Variants in RBM41 observed in about 807,000 individuals in gnomAD.
RBM41 encodes RNA binding motif protein 41.
A neutral mutation model predicts 30.8 loss-of-function variants in RBM41; 14 were observed. The ratio of observed to expected loss-of-function variants is 0.45; its 90% CI spans 0.30 to 0.71. The LOEUF is 0.71. Among genes scored for constraint, RBM41 ranks in the 30% least tolerant of loss-of-function variants. The pLI is 0.08. For missense variants in RBM41, 276 were observed against 326.3 expected (o/e 0.85, Z 1.19); for synonymous variants, 120 against 110.1 (o/e 1.09, Z -0.56).
At chrX:107,056,920 A>AC (rs1935595267), downstream of RBM41, among the ~76,000 whole-genome samples, 1 of 105,850 alleles carries the variant, frequency 9.4e-6, no homozygotes, top group African/African-American at 3.5e-5. Flanking sequence ...TCACCTTGTC[A>AC]CCCAGACTGG....
chrX:107,096,348 T>C (rs1285016747), intron 5 of RBM41, among the ~76,000 whole-genome samples: 1 of 112,165 alleles, frequency 8.9e-6, no homozygotes. Flanking sequence ...GGAGGAGTCA[T>C]ACTACCCAAT....
chrX:107,073,928 A>G (rs1936150981), intron 6 of RBM41, among the ~76,000 whole-genome samples: 1 of 111,771 alleles, frequency 8.9e-6, no homozygotes, highest in Non-Finnish European at 1.9e-5. Context: ...TTGATTTCAT[A>G]GAAGTAAAAA....
intron 5 of RBM41, among the ~76,000 whole-genome samples, chrX:107,097,132 T>C (rs564042648): frequency 8.9e-6 from 1 of 112,173 alleles, no homozygotes; most frequent in East Asian, 2.8e-4. Context: ...AGTAAAATGA[T>C]ACAACCACAT....
chrX:107,115,827 G>GA (rs1924839841), intron 3 of RBM41, 35 bp downstream of exon 3: 1 of 1,130,804 alleles, frequency 8.8e-7, no homozygotes, highest in African/African-American at 1.9e-5. Context: ...TCTTTGAGGA[G>GA]AAAAACCAAC....
intron 6 of RBM41, among the ~76,000 whole-genome samples, chrX:107,077,573 AACACACACAC>A (rs35841168): frequency 0.014 from 1,319 of 92,684 alleles, 27 homozygotes; most frequent in African/African-American, 0.053. Flanking sequence ...CAACATACAT[AACACACACAC>A]ACACACACAC....
Position 107,110,133 on chromosome X carries a change from C to T in RBM41, c.595+3264G>A, listed in dbSNP as rs184383504. On this transcript the variant is annotated intron_variant, in intron 5 of 7. Coordinates refer to ENST00000685964, the MANE Select transcript of RBM41 (RefSeq NM_001324242.2). ...AACAGTTGGTTCTAAAACAACAGGACATTTGAAGCCAAAAAAAAAAAATAA... is the reference window on the plus strand; with the variant it reads ...AACAGTTGGTTCTAAAACAACAGGATATTTGAAGCCAAAAAAAAAAAATAA... Among the ~76,000 whole-genome samples the T allele has an allele frequency of 9.5e-3, 1,024 of 107,599 alleles. 14 individuals carry two copies. The highest frequency in any genetic ancestry group is 0.032 in the African/African-American group (962 of 29,656). 93.4% of individuals were successfully genotyped at this position (107,599 alleles called of 115,157 possible). A position where few individuals can be genotyped will look rare whatever the true frequency, so the allele number is the denominator to read the frequency against.
At position 107,067,595 on chromosome X, in the gene RBM41, A is replaced by C. The variant is rs190229792; in HGVS notation, c.1246T>G (p.Ser416Ala). ...ATGAGAGAAGTCGCTTGGAGATTTG[A>C]CCGTTGCTTTTTGTTCTTTCCAAAC... ...IEFGKNKKQR[S>A]NLQATSLISC... Residue 416 changes from serine (S) to alanine (A), a missense_variant, in exon 8 of 8, where the codon TCA becomes GCA. Physicochemically the swap from Ser to Ala is moderately conservative, Grantham distance 99 (BLOSUM62 1). Coordinates refer to ENST00000685964, the MANE Select transcript of RBM41 (RefSeq NM_001324242.2). The C allele has an allele frequency of 1.7e-5, 20 of 1,210,804 alleles. No homozygotes were observed. The highest frequency in any genetic ancestry group is 2.2e-5 in the Non-Finnish European group (20 of 894,958).
At chrX:107,101,551 G>T (rs1297151600) in intron 5 of RBM41, among the ~76,000 whole-genome samples, 1 of 111,739 alleles carries the variant, frequency 8.9e-6, no homozygotes, top group Admixed American at 9.5e-5. Context: ...TGTGATGGCA[G>T]AGGCAGAGAT....
intron 5 of RBM41, among the ~76,000 whole-genome samples, chrX:107,104,964 G>A (rs1278846534): frequency 5.4e-5 from 6 of 110,450 alleles, no homozygotes; most frequent in African/African-American, 2.0e-4. Flanking sequence ...GCACAAGACA[G>A]GGATGCCCTC....
intron 5 of RBM41, among the ~76,000 whole-genome samples, chrX:107,104,639 A>G (rs1404807296): frequency 1.8e-5 from 2 of 111,495 alleles, no homozygotes; most frequent in Non-Finnish European, 3.8e-5. Context: ...CCTTTTCTGC[A>G]TCTATTGAGA....
At chrX:107,103,829 C>G (rs1213197415) in intron 5 of RBM41, among the ~76,000 whole-genome samples, 2 of 111,426 alleles carry the variant, frequency 1.8e-5, no homozygotes, top group African/African-American at 6.5e-5. Context: ...CTAGTTGCCT[C>G]TGAGAGGGTA....
intron 5 of RBM41, among the ~76,000 whole-genome samples, chrX:107,110,708 G>A (rs1460492957): frequency 1.8e-5 from 2 of 111,370 alleles, no homozygotes; most frequent in South Asian, 7.4e-4. Context: ...CAAGGTTACA[G>A]TAATTAAAAC....
intron 4 of RBM41, among the ~76,000 whole-genome samples, chrX:107,114,107 T>C (rs1242500275): frequency 8.9e-6 from 1 of 111,781 alleles, no homozygotes; most frequent in Non-Finnish European, 1.9e-5. Flanking sequence ...CCTTGAAACC[T>C]CTGGATTATC....
intron 5 of RBM41, among the ~76,000 whole-genome samples, chrX:107,089,334 G>C (rs1335134216): frequency 1.8e-5 from 2 of 111,316 alleles, no homozygotes; most frequent in Non-Finnish European, 3.8e-5. Context: ...CTCATCCATT[G>C]ATTAAATAAA....
At chrX:107,077,092 T>C (rs1921010897) in intron 6 of RBM41, among the ~76,000 whole-genome samples, 1 of 111,703 alleles carries the variant, frequency 9.0e-6, no homozygotes, top group Non-Finnish European at 1.9e-5. Context: ...ACTTCGAGTT[T>C]CTCATCCATT....
At chrX:107,052,380 G>A in the RBM41 span, among the ~76,000 whole-genome samples, 12 of 111,080 alleles carry the variant, frequency 1.1e-4, no homozygotes, top group African/African-American at 2.6e-4. Context: ...AGGTGGACGC[G>A]GTCACCTTCC....
rs200705563 is a variant in RBM41, at chrX:107,088,471, T to C, written c.964A>G (p.Met322Val). The C allele has an allele frequency of 1.4e-5, 17 of 1,209,890 alleles. No homozygotes were observed. The highest frequency in any genetic ancestry group is 1.1e-4 in the Admixed American group (5 of 45,780). Reference protein sequence around the residue: ...LSEEEIRKIPMFSSYNPGEPN... With the variant: ...LSEEEIRKIPVFSSYNPGEPN... The stretch of plus-strand genomic sequence containing the variant: ...TCCCCTGGATTATATGAAGAAAACA[T>C]AGGAATTTTTCGGATCTCTTCCTCT... Residue 322 changes from methionine (M) to valine (V), a missense_variant, in exon 6 of 8, where the codon ATG becomes GTG. Met to Val is a conservative substitution (Grantham distance 21, BLOSUM62 1). Coordinates refer to ENST00000685964, the MANE Select transcript of RBM41 (RefSeq NM_001324242.2).
intron 5 of RBM41, among the ~76,000 whole-genome samples, chrX:107,091,455 T>C (rs761905195): frequency 3.6e-5 from 4 of 112,203 alleles, no homozygotes; most frequent in Non-Finnish European, 5.6e-5. Context: ...TATTTATCAT[T>C]AGGCTCATTT....
At chrX:107,109,097 C>A (rs1412836464) in intron 5 of RBM41, among the ~76,000 whole-genome samples, 2 of 110,941 alleles carry the variant, frequency 1.8e-5, no homozygotes, top group Non-Finnish European at 3.8e-5. Flanking sequence ...CACACACATA[C>A]ACAAAAACAG....
Sources: allele counts gnomAD v4.1 joint callset (sites outside exome capture counted in the v4.1 genomes callset), GRCh38; gene constraint gnomAD v4.1.1; transcripts MANE v1.5; gene names NCBI Gene and HGNC (gene_info 2026-07-23, HGNC 2026-07-21).